Variants in DGKI observed in about 807,000 individuals in gnomAD.
The protein encoded by DGKI is diacylglycerol kinase iota.
Under a neutral mutation model 147.5 loss-of-function variants are expected in DGKI, and 55 were observed. The ratio of observed to expected loss-of-function variants is 0.37; its 90% CI spans 0.30 to 0.47. DGKI has a LOEUF of 0.47. Among genes scored for constraint, DGKI ranks in the 20% least tolerant of loss-of-function variants. The pLI, the probability that DGKI is intolerant of heterozygous loss-of-function variation, is 1.00. For synonymous variants in DGKI, 469 were observed against 477.1 expected, an observed-to-expected ratio of 0.98 and a Z score of 0.22; for missense variants, 1,007 against 1,323.8, an observed-to-expected ratio of 0.76 and a Z score of 3.71.
chr7:137,747,218 G>C (rs556108330), intron 1 of DGKI, among the ~76,000 whole-genome samples: 9 of 152,048 alleles, frequency 5.9e-5, no homozygotes, highest in African/African-American at 1.9e-4. Flanking sequence ...CTATTTCTGG[G>C]TCTCCTCTTC....
chr7:137,428,317 T>C (rs1387993563), intron 28 of DGKI, among the ~76,000 whole-genome samples: 3 of 152,146 alleles, frequency 2.0e-5, no homozygotes, highest in African/African-American at 7.2e-5. Flanking sequence ...ATTATCTCAA[T>C]AGATGCAGAA....
In DGKI at chr7:137,846,413, G is replaced by A. The variant is rs371653759; in HGVS notation, c.401+49C>T. 1.4e-6 allele frequency: 2 copies of A among 1,425,122 alleles called. No individual in the cohort carries two copies. Among genetic ancestry groups the A allele is most frequent in the African/African-American group, 2.9e-5 (2 of 68,362 alleles). 88.3% of individuals were successfully genotyped at this position (1,425,122 alleles called of 1,614,324 possible). A position where few individuals can be genotyped will look rare whatever the true frequency, so the allele number is the denominator to read the frequency against. ...CGCCCCTTGCTGGGTAGAAGAGTGG[G>A]TCTCCCGCCGCGGCGCACCTGTCTC... On this transcript the variant is annotated intron_variant, in intron 1 of 32. Coordinates refer to ENST00000614521, the MANE Select transcript of DGKI (RefSeq NM_001321708.2). This position sits in a 1 kb window ranked among gnomAD's most constrained non-coding sequence, Gnocchi z 4.0.
At chr7:137,514,908 A>G (rs543487837) in intron 21 of DGKI, among the ~76,000 whole-genome samples, 1 of 152,306 alleles carries the variant, frequency 6.6e-6, no homozygotes, top group Non-Finnish European at 1.5e-5. Flanking sequence ...CAGGCATGAT[A>G]CACTCCTCAA....
In DGKI at chr7:137,656,538, T is replaced by C; in HGVS notation, c.609A>G (p.Lys203=). The C allele has an allele frequency of 6.2e-7, 1 of 1,614,118 alleles. No individual in the cohort carries two copies. The highest frequency in any genetic ancestry group is 1.1e-5 in the South Asian group (1 of 91,070). ...CTGCACACTTCCTCCTGAGAGCTGA[T>C]TTCTACAATATTCAATTCAAAAGAC... ...GEENCQVRFA[K]SALRRKCAVC... Residue 203 remains lysine, a splice_region_variant and synonymous_variant, in exon 4 of 33, where the codon AAA becomes AAG. Transcript: ENST00000614521.
At chr7:137,664,425 G>GGAAAAA (rs1215175561) in intron 3 of DGKI, among the ~76,000 whole-genome samples, 1 of 148,584 alleles carries the variant, frequency 6.7e-6, no homozygotes, top group African/African-American at 2.5e-5. Flanking sequence ...AAAAAGGAAA[G>GGAAAAA]GAAAAAGAAA....
chr7:137,572,851 A>C lies in DGKI; in HGVS notation c.1762-13T>G. On this transcript the variant is annotated splice_polypyrimidine_tract_variant and intron_variant, in intron 17 of 32. Transcript: ENST00000614521. ...CTGTTCCATCACACTGAAACAATGA[A>C]AACAGAAAAGGGGTTTTGAAGTAGT... 6.3e-7 allele frequency: 1 copy of C among 1,599,998 alleles called. No individual in the cohort carries two copies.
intron 19 of DGKI, among the ~76,000 whole-genome samples, chr7:137,567,876 T>C (rs907008123): frequency 2.0e-5 from 3 of 152,210 alleles, no homozygotes; most frequent in African/African-American, 7.2e-5. Flanking sequence ...ATGCATATGA[T>C]GTATATATGA....
Position 137,746,553 on chromosome 7 carries a change from GTTGT to G in DGKI, c.402-56555_402-56552del, listed in dbSNP as rs3839666. ...TCCTGGGAGGAAGTAATCCAGAGAT[GTTGT>G]TTGTTTGTTTGTTTGTTTGTTTGTT... On this transcript the variant is annotated intron_variant, in intron 1 of 32. Coordinates refer to ENST00000614521, the MANE Select transcript of DGKI (RefSeq NM_001321708.2). Among the ~76,000 whole-genome samples the G allele has an allele frequency of 1.6e-3, 242 of 152,116 alleles. 1 individual carries two copies. Among genetic ancestry groups the G allele is most frequent in the South Asian group, 2.9e-3 (14 of 4,822 alleles).
intron 19 of DGKI, among the ~76,000 whole-genome samples, chr7:137,568,778 A>G (rs1038353150): frequency 6.6e-6 from 1 of 152,122 alleles, no homozygotes; most frequent in African/African-American, 2.4e-5. Flanking sequence ...CTAGTGCACT[A>G]TTTGTGAAAG....
At chr7:137,670,458 G>A (rs371647739) in intron 3 of DGKI, among the ~76,000 whole-genome samples, 43 of 152,272 alleles carry the variant, frequency 2.8e-4, no homozygotes, top group African/African-American at 9.9e-4. Flanking sequence ...AAGTGTGCAC[G>A]TGAACGATCT....
chr7:137,585,432 G>A (rs548871546), intron 13 of DGKI, 86 bp from the exon 14 acceptor site: 42 of 1,470,322 alleles, frequency 2.9e-5, no homozygotes, highest in African/African-American at 8.5e-5. Flanking sequence ...GAGCCAAGCC[G>A]TTATATTGTT....
At chr7:137,632,705 A>T (rs992192170) in intron 6 of DGKI, among the ~76,000 whole-genome samples, 10 of 152,002 alleles carry the variant, frequency 6.6e-5, no homozygotes, top group Non-Finnish European at 1.2e-4. Flanking sequence ...AAAAATACAA[A>T]AAAATTAGCT....
chr7:137,663,791 G>A (rs1822531439), intron 3 of DGKI, among the ~76,000 whole-genome samples: 1 of 152,210 alleles, frequency 6.6e-6, no homozygotes, highest in African/African-American at 2.4e-5. Context: ...AGATTTCTCT[G>A]TGTGTTTCCA....
At position 137,672,766 on chromosome 7, in the gene DGKI, C is replaced by CTTTTT. The variant is rs60078498; in HGVS notation, c.606+5786_606+5790dup. ...TCTCTGTGTGTGTGTCTCTGTGTGT[C>CTTTTT]TTTTTTTTTTTTTTTTTTTTTTTTT... On this transcript the variant is annotated intron_variant, in intron 3 of 32. Transcript: ENST00000614521. Among the ~76,000 whole-genome samples the CTTTTT allele has an allele frequency of 7.0e-4, 46 of 65,686 alleles. 2 individuals are homozygous for CTTTTT. Among genetic ancestry groups the CTTTTT allele is most frequent in the African/African-American group, 9.4e-4 (13 of 13,882 alleles). 43.1% of individuals were successfully genotyped at this position (65,686 alleles called of 152,430 possible).
intron 2 of DGKI, among the ~76,000 whole-genome samples, chr7:137,680,209 T>C (rs1250414443): frequency 6.6e-6 from 1 of 151,960 alleles, no homozygotes; most frequent in Admixed American, 6.6e-5. Context: ...TGTCTGCAAG[T>C]GAGGAAGAGG....
chr7:137,571,158 A>C lies in DGKI; in HGVS notation c.1947+17T>G. ...CTAAAATACATTTCATTTTAATAAA[A>C]CAGTTATATTGCTCACCAAAGAGGC... On this transcript the variant is annotated intron_variant, in intron 19 of 32. Coordinates refer to ENST00000614521, the MANE Select transcript of DGKI (RefSeq NM_001321708.2). The C allele has an allele frequency of 6.5e-7, 1 of 1,538,912 alleles. No homozygotes were observed. Among genetic ancestry groups the C allele is most frequent in the Non-Finnish European group, 8.8e-7 (1 of 1,135,708 alleles).
chr7:137,383,987 A>G lies in DGKI; in HGVS notation c.*7233T>C, dbSNP rs1472933125. On this transcript the variant is annotated 3_prime_UTR_variant, in exon 33 of 33. Transcript: ENST00000614521. Reference sequence around the variant, plus strand: ...TTTTCTCTACTTCAAATATGCCGGAATTTCCCATAGGTGTATTAAACCTCT... The same window carrying G: ...TTTTCTCTACTTCAAATATGCCGGAGTTTCCCATAGGTGTATTAAACCTCT... 1 of 152,036 alleles carries G rather than the reference A, an allele frequency of 6.6e-6. No homozygotes were observed. The allele number at this position is 152,036 out of a possible 1,614,324, so 9.4% of individuals were successfully genotyped here. A position where few individuals can be genotyped will look rare whatever the true frequency, so the allele number is the denominator to read the frequency against.
At chr7:137,817,850 G>A (rs987229217) in intron 1 of DGKI, among the ~76,000 whole-genome samples, 4 of 152,212 alleles carry the variant, frequency 2.6e-5, no homozygotes, top group Non-Finnish European at 5.9e-5. Context: ...TGCCACATCT[G>A]TTTTATTCCT....
intron 1 of DGKI, among the ~76,000 whole-genome samples, chr7:137,773,419 G>A (rs1471682468): frequency 2.0e-5 from 3 of 152,086 alleles, no homozygotes; most frequent in African/African-American, 7.2e-5. Flanking sequence ...GCCTCTGAAG[G>A]GGTATTCTGA....
Sources: gnomAD v4.1 joint callset for allele counts (sites outside exome capture counted in the v4.1 genomes callset) on GRCh38, gnomAD v4.1.1 for gene constraint, Gnocchi (gnomAD v3.1) non-coding constraint, MANE v1.5 for transcripts, NCBI Gene and HGNC (gene_info 2026-07-23, HGNC 2026-07-21) for gene names.